The following NAALADL2 variants were observed in gnomAD, a reference collection of about 807,000 sequenced individuals.
The protein encoded by NAALADL2 is inactive N-acetylated-alpha-linked acidic dipeptidase-like protein 2.
A neutral mutation model predicts 87.2 loss-of-function variants in NAALADL2; 76 were observed. The ratio of observed to expected loss-of-function variants is 0.87; its 90% CI spans 0.72 to 1.05. NAALADL2 has a LOEUF of 1.05. Among genes scored for constraint, NAALADL2 ranks in the 50% least tolerant of loss-of-function variants. NAALADL2 has a pLI of 0.00. For synonymous variants in NAALADL2, 354 were observed against 331.0 expected, an observed-to-expected ratio of 1.07 and a Z score of -0.75; for missense variants, 1,089 against 945.8, an observed-to-expected ratio of 1.15 and a Z score of -1.99.
chr3:174,587,286 A>G (rs9917777), intron 2 of NAALADL2, among the ~76,000 whole-genome samples: 24,239 of 152,100 alleles, frequency 0.16, 2,080 homozygotes, highest in Non-Finnish European at 0.18. Context: ...TAGTGCTGCA[A>G]TAAACATACA....
intron 3 of NAALADL2, among the ~76,000 whole-genome samples, chr3:174,839,561 CA>C: frequency 6.6e-6 from 1 of 152,052 alleles, no homozygotes; most frequent in Non-Finnish European, 1.5e-5. Context: ...CCAGACAACC[CA>C]CAGAGTGAGA....
chr3:174,956,865 G>T (rs1306559166), intron 1 of NAALADL2, among the ~76,000 whole-genome samples: 1 of 152,056 alleles, frequency 6.6e-6, no homozygotes, highest in Non-Finnish European at 1.5e-5. Flanking sequence ...AGGAGAAACA[G>T]AACAGTATTT....
At chr3:175,456,508 C>T (rs1160085290) in intron 6 of NAALADL2, among the ~76,000 whole-genome samples, 2 of 151,976 alleles carry the variant, frequency 1.3e-5, no homozygotes, top group African/African-American at 4.8e-5. Flanking sequence ...TTAACTGCCC[C>T]TAAATGTTCT....
At chr3:174,639,852 TATA>T (rs1171192596) in intron 2 of NAALADL2, among the ~76,000 whole-genome samples, 1 of 152,226 alleles carries the variant, frequency 6.6e-6, no homozygotes, top group Non-Finnish European at 1.5e-5. Context: ...ATATAAATAT[TATA>T]ATAATTTGAT....
At chr3:175,329,270 G>A (rs773218525) in intron 5 of NAALADL2, among the ~76,000 whole-genome samples, 1 of 152,062 alleles carries the variant, frequency 6.6e-6, no homozygotes, top group Non-Finnish European at 1.5e-5. Flanking sequence ...GGAGAGAAAA[G>A]TCTTTTCAGT....
At chr3:175,078,020 TTTTC>T (rs1716957888) in intron 1 of NAALADL2, among the ~76,000 whole-genome samples, 1 of 150,458 alleles carries the variant, frequency 6.6e-6, no homozygotes, top group Non-Finnish European at 1.5e-5. Context: ...TGTTTTGTTC[TTTTC>T]TTTCTTTTTT....
chr3:175,441,845 C>T (rs759442800), intron 5 of NAALADL2, among the ~76,000 whole-genome samples: 2 of 152,158 alleles, frequency 1.3e-5, no homozygotes, highest in African/African-American at 2.4e-5. Context: ...CCTCTCAGTG[C>T]TTTCATCTCA....
At chr3:174,786,397 G>A (rs1030471749) in intron 3 of NAALADL2, among the ~76,000 whole-genome samples, 1 of 144,624 alleles carries the variant, frequency 6.9e-6, no homozygotes, top group African/African-American at 2.6e-5. Context: ...GTTGCAGTGA[G>A]CCGAGATCAC....
At chr3:175,552,238 CAAT>C (rs1315022309) in intron 9 of NAALADL2, among the ~76,000 whole-genome samples, 1 of 152,102 alleles carries the variant, frequency 6.6e-6, no homozygotes, top group Non-Finnish European at 1.5e-5. Flanking sequence ...ATTGGGAATA[CAAT>C]GAGATAAAAT....
At chr3:175,473,236 T>C (rs1003133041) in intron 9 of NAALADL2, among the ~76,000 whole-genome samples, 1 of 152,140 alleles carries the variant, frequency 6.6e-6, no homozygotes, top group Non-Finnish European at 1.5e-5. Context: ...GAATACAGTA[T>C]GGTTTCTCAA....
At chr3:175,588,129 G>A (rs1181011500) in intron 10 of NAALADL2, among the ~76,000 whole-genome samples, 2 of 151,398 alleles carry the variant, frequency 1.3e-5, no homozygotes, top group Non-Finnish European at 2.9e-5. Flanking sequence ...CCCAAACTTT[G>A]AGTATGCCAA....
intron 11 of NAALADL2, among the ~76,000 whole-genome samples, chr3:175,660,226 A>G (rs1732067519): frequency 2.6e-5 from 4 of 152,150 alleles, no homozygotes; most frequent in African/African-American, 9.7e-5. Flanking sequence ...AGGTTTCAAC[A>G]TGTACATTTT....
rs1438073529 is a variant in NAALADL2 at position 175,618,522 on chromosome 3, C to T, written c.1801-8769C>T. 3.9e-5 allele frequency among the ~76,000 whole-genome samples: 6 copies of T among 152,068 alleles called. No individual in the cohort carries two copies. The East Asian group carries it at 1.2e-3, about 30-fold the overall frequency. On this transcript the variant is annotated intron_variant, in intron 10 of 13. Coordinates refer to ENST00000454872, the MANE Select transcript of NAALADL2 (RefSeq NM_207015.3). ...CAAAGGAATATAAAGCATTTTTTTC[C>T]TCTAGGGTCTGAGAGTCAAAGGAGT...
chr3:175,174,528 AAAAAG>A (rs1332025887), intron 2 of NAALADL2, among the ~76,000 whole-genome samples: 8 of 152,216 alleles, frequency 5.3e-5, no homozygotes, highest in African/African-American at 1.9e-4. Context: ...TAAAAGAAAT[AAAAAG>A]AAATTTTCTT....
intron 1 of NAALADL2, among the ~76,000 whole-genome samples, chr3:174,909,573 A>G (rs1733420340): frequency 1.3e-5 from 2 of 152,122 alleles, no homozygotes; most frequent in South Asian, 4.1e-4. Flanking sequence ...GATTTCTAAT[A>G]TTGTTGAAAC....
intron 2 of NAALADL2, among the ~76,000 whole-genome samples, chr3:174,712,282 C>T (rs1303218867): frequency 1.3e-5 from 2 of 151,162 alleles, no homozygotes; most frequent in Non-Finnish European, 2.9e-5. Context: ...AATAAGGGTA[C>T]GTCTGGCTCC....
chr3:174,857,030 A>G (rs574142056), upstream of NAALADL2, among the ~76,000 whole-genome samples: 19 of 152,276 alleles, frequency 1.2e-4, no homozygotes, highest in South Asian at 3.7e-3. Flanking sequence ...TACTGTACCT[A>G]TAATATAATG....
intron 9 of NAALADL2, among the ~76,000 whole-genome samples, chr3:175,479,206 T>C (rs1726117929): frequency 6.6e-6 from 1 of 151,904 alleles, no homozygotes; most frequent in Admixed American, 6.6e-5. Flanking sequence ...ATTTTGTGTT[T>C]GAATGGTTTG....
At chr3:174,916,859 T>C (rs1480046707) in intron 1 of NAALADL2, among the ~76,000 whole-genome samples, 1 of 151,926 alleles carries the variant, frequency 6.6e-6, no homozygotes, top group Admixed American at 6.6e-5. Flanking sequence ...CCAAAAACTA[T>C]TGAAATAAAA....
Sources: allele counts gnomAD v4.1 joint callset (sites outside exome capture counted in the v4.1 genomes callset), GRCh38; gene constraint gnomAD v4.1.1; transcripts MANE v1.5; gene names NCBI Gene and HGNC (gene_info 2026-07-23, HGNC 2026-07-21).